The following DUOX1 variants were observed in gnomAD, a reference collection of about 807,000 sequenced individuals.
DUOX1 encodes the protein dual oxidase 1.
DUOX1 carries 134 observed loss-of-function variants against 181.8 expected under a neutral mutation model. That is an observed-to-expected ratio of 0.74 (90% CI 0.64 to 0.85). The LOEUF is 0.85. Among genes scored for constraint, DUOX1 ranks in the 40% least tolerant of loss-of-function variants. DUOX1 has a pLI of 0.00. For synonymous variants in DUOX1, 798 were observed against 832.5 expected, an observed-to-expected ratio of 0.96 and a Z score of 0.71; for missense variants, 1,814 against 2,064.4, an observed-to-expected ratio of 0.88 and a Z score of 2.35.
rs150755159 is a variant in DUOX1, at chr15:45,144,105, G to A, written c.2006G>A (p.Arg669His). ...VLVYLQPGQI[R>H]VVDGRLTVLR... is the part of the protein sequence containing the mutation. ...GTGTACCTGCAGCCCGGGCAGATCCGTGTGGTAGATGGCAGGCTCACCGTG... is the reference window on the plus strand; with the variant it reads ...GTGTACCTGCAGCCCGGGCAGATCCATGTGGTAGATGGCAGGCTCACCGTG... The change falls in exon 17 of 34, where the codon CGT (arginine) becomes CAT (histidine). Residue 669 changes from arginine to histidine, a missense_variant. Arg to His is a conservative substitution (Grantham distance 29). Around this residue, in one of 5 missense-constraint regions of DUOX1, gnomAD observed 1,064 missense variants for 1,152.9 expected, o/e 0.92. Transcript: ENST00000389037. The A allele has an allele frequency of 1.8e-3, 2,970 of 1,613,980 alleles. 6 individuals are homozygous for A. Among genetic ancestry groups the A allele is most frequent in the Non-Finnish European group, 2.3e-3 (2,685 of 1,180,048 alleles).
intron 26 of DUOX1, 48 bp downstream of exon 26, chr15:45,153,527 T>C (rs1567018533): frequency 2.2e-6 from 2 of 908,764 alleles, no homozygotes; most frequent in Non-Finnish European, 3.0e-6. Flanking sequence ...TGTGTGTGTG[T>C]GTGTGTGTGT....
chr15:45,135,427 CTCG>C, intron 5 of DUOX1, 44 bp from the exon 6 acceptor site: 4 of 1,532,524 alleles, frequency 2.6e-6, no homozygotes, highest in Non-Finnish European at 3.5e-6. Context: ...CCTTCCCTAG[CTCG>C]CCGCCGCCCA....
chr15:45,137,005 G>C (rs1896336191), intron 9 of DUOX1, among the ~76,000 whole-genome samples: 1 of 151,920 alleles, frequency 6.6e-6, no homozygotes, highest in Non-Finnish European at 1.5e-5. Flanking sequence ...TCTAAAATGT[G>C]TGCAATCTGA....
chr15:45,135,586 C>G lies in DUOX1; in HGVS notation c.608C>G (p.Pro203Arg). Residue 203 changes from proline to arginine, a missense_variant, in exon 6 of 34, where the codon CCC (proline) becomes CGC (arginine). Pro to Arg is a moderately radical substitution (Grantham distance 103, BLOSUM62 -2). Coordinates refer to ENST00000389037, the MANE Select transcript of DUOX1 (RefSeq NM_175940.3). ...GGACAGCTGGCGTCGGGGCCCGACC[C>G]CGCTTTTCCCCGAGACTCGCAGAAC... ...SRGQLASGPD[P>R]AFPRDSQNPL... 3 of 1,563,314 alleles carry G rather than the reference C, an allele frequency of 1.9e-6. No individual in the cohort carries two copies. The highest frequency in any genetic ancestry group is 2.6e-6 in the Non-Finnish European group (3 of 1,155,060).
At chr15:45,137,742 G>C (rs1896364856) in intron 9 of DUOX1, among the ~76,000 whole-genome samples, 182 bp from the exon 10 acceptor site, 1 of 152,076 alleles carries the variant, frequency 6.6e-6, no homozygotes, top group African/African-American at 2.4e-5. Context: ...TATTTGGTCT[G>C]ATGTTGTAGA....
In DUOX1 at chr15:45,161,806, G is replaced by A. The variant is rs372386695; in HGVS notation, c.3925G>A (p.Ala1309Thr). 2.5e-5 allele frequency: 40 copies of A among 1,613,434 alleles called. No individual in the cohort carries two copies. The highest frequency in any genetic ancestry group is 5.4e-5 in the African/African-American group (4 of 74,668). Residue 1309 changes from alanine to threonine, a missense_variant, in exon 30 of 34, where the codon GCT becomes ACT. Physicochemically the swap from Ala to Thr is moderately conservative, Grantham distance 58. Transcript: ENST00000389037. ...EYKSGQWVRI[A>T]CLALGTTEYH... is the part of the protein sequence containing the mutation. ...CAAGTCAGGGCAGTGGGTGCGGATC[G>A]CTTGCCTGGCTCTGGGGACCACCGA...
Position 45,141,392 on chromosome 15 carries a change from G to A in DUOX1, c.1666G>A (p.Val556Ile). Residue 556 changes from valine to isoleucine, a missense_variant, in exon 14 of 34, where the codon GTC becomes ATC. Physicochemically the swap from Val to Ile is conservative, Grantham distance 29. Around this residue, in one of 5 missense-constraint regions of DUOX1, gnomAD observed 1,064 missense variants for 1,152.9 expected, o/e 0.92. Transcript: ENST00000389037. ...NIDPSALQPN[V>I]FVWHKGDPCP... is the part of the protein sequence containing the mutation. The stretch of plus-strand genomic sequence containing the variant: ...TGACCCCAGTGCTCTGCAGCCCAAT[G>A]TCTTTGTCTGGCATAAAGGTGAGTG... 6.2e-7 allele frequency: 1 copy of A among 1,614,248 alleles called. No homozygotes were observed. The highest frequency in any genetic ancestry group is 8.5e-7 in the Non-Finnish European group (1 of 1,180,054).
rs1471279857 is a variant in DUOX1, at chr15:45,135,178, C to A, written c.382C>A (p.Pro128Thr). 5.0e-6 allele frequency: 8 copies of A among 1,613,890 alleles called. No homozygotes were observed. The highest frequency in any genetic ancestry group is 6.8e-6 in the Non-Finnish European group (8 of 1,179,980). Reference protein sequence around the residue: ...CPAEFLNIRIPPGDPMFDPDQ... With the variant: ...CPAEFLNIRITPGDPMFDPDQ... Reference sequence around the variant, plus strand: ...CGCCGAGTTCCTCAACATTCGCATCCCGCCCGGAGACCCCATGTTCGACCC... The same window carrying A: ...CGCCGAGTTCCTCAACATTCGCATCACGCCCGGAGACCCCATGTTCGACCC... The change falls in exon 5 of 34, where the codon CCG becomes ACG. Residue 128 changes from proline (P) to threonine (T), a missense_variant. Pro to Thr is a conservative substitution (Grantham distance 38, BLOSUM62 -1). Coordinates refer to ENST00000389037, the MANE Select transcript of DUOX1 (RefSeq NM_175940.3).
chr15:45,138,056 GCATGCTTA>G (rs777053065), intron 10 of DUOX1, 42 bp downstream of exon 10: 2 of 1,422,848 alleles, frequency 1.4e-6, no homozygotes, highest in Non-Finnish European at 9.8e-7. Flanking sequence ...GTGTGTGTGT[GCATGCTTA>G]TGTGTGTGTG....
chr15:45,159,871 T>C (rs1443997226), intron 28 of DUOX1, among the ~76,000 whole-genome samples: 1 of 152,178 alleles, frequency 6.6e-6, no homozygotes, highest in Non-Finnish European at 1.5e-5. Flanking sequence ...AAAAGTACTG[T>C]TGGCCGCGCG....
rs112094879 is a variant in DUOX1 at position 45,144,879 on chromosome 15, C to T, written c.2137-16C>T. On this transcript the variant is annotated splice_polypyrimidine_tract_variant and intron_variant, in intron 17 of 33. Transcript: ENST00000389037. ...GCCTTGGCAAATGGTTGCTTTTGCT[C>T]GGGCTGCCCCCTTAGGTGCTGCTGT... 55 of 1,585,612 alleles carry T rather than the reference C, an allele frequency of 3.5e-5. No individual in the cohort carries two copies. The highest frequency in any genetic ancestry group is 2.1e-4 in the South Asian group (18 of 86,180).
rs778065066 is a variant in DUOX1 at position 45,151,854 on chromosome 15, T to C, written c.3015-20T>C. The C allele has an allele frequency of 1.6e-5, 25 of 1,603,462 alleles. No homozygotes were observed. In the Middle Eastern group the frequency reaches 8.3e-4, roughly 54 times the overall value. ...GGGTCCCATGGTGGGTGCCAAAGGC[T>C]AAGGCTTCCTGTCTCCCAGGGTAAC... On this transcript the variant is annotated intron_variant, in intron 23 of 33. Coordinates refer to ENST00000389037, the MANE Select transcript of DUOX1 (RefSeq NM_175940.3).
chr15:45,148,411 A>G lies in DUOX1; in HGVS notation c.2782A>G (p.Asn928Asp). 2 of 1,614,154 alleles carry G rather than the reference A, an allele frequency of 1.2e-6. No homozygotes were observed. The highest frequency in any genetic ancestry group is 1.7e-6 in the Non-Finnish European group (2 of 1,180,000). The change falls in exon 21 of 34, where the codon AAT becomes GAT. Residue 928 changes from asparagine to aspartate, a missense_variant. Asn to Asp is a conservative substitution (Grantham distance 23, BLOSUM62 1). Coordinates refer to ENST00000389037, the MANE Select transcript of DUOX1 (RefSeq NM_175940.3). ...EDFHFMLRDH[N>D]SELRFTQLCV... is the part of the protein sequence containing the mutation. ...TTTTCACTTCATGCTGCGGGACCAC[A>G]ATAGCGAGCTCCGCTTCACGCAGCT... is the stretch of plus-strand genomic sequence containing the variant.
At chr15:45,134,978 T>C in intron 4 of DUOX1, 126 bp from the exon 5 acceptor site, 1 of 1,124,998 alleles carries the variant, frequency 8.9e-7, no homozygotes, top group Non-Finnish European at 1.3e-6. Context: ...GGTCAGGGCT[T>C]GGACTTGCCC....
Position 45,139,068 on chromosome 15 carries a change from C to A in DUOX1, c.1116C>A (p.His372Gln), listed in dbSNP as rs754194545. Reference sequence around the variant, plus strand: ...CTCCCCACCCCCAACCTATAAAGCACCCAAGCCTACAAAGTGCTGAAGATG... The same window carrying A: ...CTCCCCACCCCCAACCTATAAAGCAACCAAGCCTACAAAGTGCTGAAGATG... ...RVCNSYWSREHPSLQSAEDVD... is the reference protein window; with the variant it reads ...RVCNSYWSREQPSLQSAEDVD... Residue 372 changes from histidine to glutamine, a missense_variant and splice_region_variant, in exon 11 of 34, where the codon CAC becomes CAA. Around this residue, in one of 5 missense-constraint regions of DUOX1, gnomAD observed 1,064 missense variants for 1,152.9 expected, o/e 0.92. Coordinates refer to ENST00000389037, the MANE Select transcript of DUOX1 (RefSeq NM_175940.3). The A allele has an allele frequency of 5.0e-6, 8 of 1,613,630 alleles. No individual in the cohort carries two copies. In the East Asian group the frequency reaches 1.8e-4, roughly 36 times the overall value.
chr15:45,130,535 C>A (rs948587754), intron 1 of DUOX1, among the ~76,000 whole-genome samples: 1 of 152,232 alleles, frequency 6.6e-6, no homozygotes, highest in Non-Finnish European at 1.5e-5. Context: ...CCATGTGGGG[C>A]AAGAACAGGC....
Position 45,134,306 on chromosome 15 carries a change from T to C in DUOX1, c.304T>C (p.Phe102Leu). 6.3e-7 allele frequency: 1 copy of C among 1,592,784 alleles called. No individual in the cohort carries two copies. The highest frequency in any genetic ancestry group is 8.5e-7 in the Non-Finnish European group (1 of 1,171,854). Reference sequence around the variant, plus strand: ...AAACCGCACAGTGTTGGGGGTCTTCTTTGGTGAGAACTTCAACCTCTGGGG... The same window carrying C: ...AAACCGCACAGTGTTGGGGGTCTTCCTTGGTGAGAACTTCAACCTCTGGGG... ...LRNRTVLGVF[F>L]GYHVLSDLVS... The change falls in exon 4 of 34, where the codon TTT becomes CTT. Residue 102 changes from phenylalanine (F) to leucine (L), a missense_variant. Physicochemically the swap from Phe to Leu is conservative, Grantham distance 22. Transcript: ENST00000389037.
At chr15:45,162,109 T>G in intron 30 of DUOX1, 110 bp from the exon 31 acceptor site, 1 of 1,498,742 alleles carries the variant, frequency 6.7e-7, no homozygotes, top group Non-Finnish European at 9.1e-7. Flanking sequence ...CCACAAATCC[T>G]CCTCTTCCCC....
At chr15:45,140,097 C>T in intron 12 of DUOX1, 1 of 1,336,344 alleles carries the variant, frequency 7.5e-7, no homozygotes, top group Non-Finnish European at 1.0e-6. Flanking sequence ...CCCACAGCCG[C>T]ACAAATTGGT....
Sources: gnomAD v4.1 joint callset for allele counts (sites outside exome capture counted in the v4.1 genomes callset) on GRCh38, gnomAD v4.1.1 for gene constraint, gnomAD v4.1.1 regional missense constraint, MANE v1.5 for transcripts, NCBI Gene and HGNC (gene_info 2026-07-23, HGNC 2026-07-21) for gene names.